The following ZFP90 variants were observed in gnomAD, a reference collection of about 807,000 sequenced individuals.
ZFP90 encodes zinc finger protein 90 homolog.
A neutral mutation model predicts 60.8 loss-of-function variants in ZFP90; 38 were observed. The ratio of observed to expected loss-of-function variants is 0.62; its 90% CI spans 0.48 to 0.82. ZFP90 has a LOEUF of 0.82. ZFP90 is among the 40% of genes least tolerant of loss of function. ZFP90 has a pLI of 0.00. For missense variants in ZFP90, 711 were observed against 759.1 expected (o/e 0.94, Z 0.74); for synonymous variants, 287 against 264.8 (o/e 1.08, Z -0.82).
chr16:68,541,477 T>A (rs528524622), intron 2 of ZFP90, among the ~76,000 whole-genome samples: 1 of 151,950 alleles, frequency 6.6e-6, no homozygotes, highest in Non-Finnish European at 1.5e-5. Flanking sequence ...TGTGCCACCA[T>A]GCCCAGCTAA....
upstream of ZFP90, among the ~76,000 whole-genome samples, chr16:68,538,837 G>C (rs977864006): frequency 6.6e-6 from 1 of 152,152 alleles, no homozygotes; most frequent in Non-Finnish European, 1.5e-5. Flanking sequence ...CCACGGATTT[G>C]TCCGAAGTTT....
chr16:68,547,938 C>T (rs1487413213), intron 2 of ZFP90, among the ~76,000 whole-genome samples: 1 of 151,662 alleles, frequency 6.6e-6, no homozygotes, highest in Non-Finnish European at 1.5e-5. Context: ...AGCGATTCTC[C>T]TGCCTCAGTC....
chr16:68,557,376 C>G (rs934285234), intron 2 of ZFP90: 1 of 429,726 alleles, frequency 2.3e-6, no homozygotes, highest in Admixed American at 2.4e-5. Context: ...ACCTGTGATA[C>G]AGGTGTACTG....
At chr16:68,550,457 G>T (rs1385783370) in intron 2 of ZFP90, among the ~76,000 whole-genome samples, 1 of 151,996 alleles carries the variant, frequency 6.6e-6, no homozygotes, top group Non-Finnish European at 1.5e-5. Flanking sequence ...CTCCATGTTG[G>T]CCAGGCTGGT....
upstream of ZFP90, among the ~76,000 whole-genome samples, chr16:68,537,228 C>A (rs747837307): frequency 1.3e-5 from 2 of 152,010 alleles, no homozygotes; most frequent in Non-Finnish European, 2.9e-5. Flanking sequence ...CAGGTTCAAG[C>A]GATTCCCCTG....
chr16:68,553,137 T>C (rs2091287454), intron 2 of ZFP90, among the ~76,000 whole-genome samples: 2 of 152,116 alleles, frequency 1.3e-5, no homozygotes, highest in Non-Finnish European at 2.9e-5. Context: ...GTAAAGAAAA[T>C]AAATAGTATT....
chr16:68,539,727 G>C (rs1198639354), intron 1 of ZFP90, 31 bp from the exon 2 acceptor site: 8 of 1,499,952 alleles, frequency 5.3e-6, no homozygotes, highest in Non-Finnish European at 7.2e-6. Context: ...GTGTTGCAGC[G>C]GGGTGAGTGG....
intron 2 of ZFP90, among the ~76,000 whole-genome samples, chr16:68,574,524 A>C (rs1371692360): frequency 6.6e-6 from 1 of 152,088 alleles, no homozygotes; most frequent in Non-Finnish European, 1.5e-5. Flanking sequence ...AGCACCAAAG[A>C]GCTAAGGAGA....
chr16:68,548,710 G>A (rs944480452), intron 2 of ZFP90, among the ~76,000 whole-genome samples: 10 of 151,962 alleles, frequency 6.6e-5, no homozygotes, highest in African/African-American at 1.9e-4. Flanking sequence ...GGCTGGTCTC[G>A]AACTCCCGAC....
chr16:68,564,638 CTT>C lies in ZFP90; in HGVS notation c.1852_1853del (p.Phe618GlnfsTer8). On this transcript the variant is annotated frameshift_variant, in exon 5 of 5. Transcript: ENST00000563169. LOFTEE classifies it high-confidence loss of function. ...ATTCTTGTAAGGAATGTGGGAAAAA[CTT>C]CAGCCGAAGTTCAGCTCTTACTAAA... ...PYSCKECGKN[F>X]SRSSALTKHQ... is the part of the protein sequence containing the mutation. The C allele has an allele frequency of 6.2e-7, 1 of 1,613,994 alleles. No homozygotes were observed. Among genetic ancestry groups the C allele is most frequent in the Non-Finnish European group, 8.5e-7 (1 of 1,179,960 alleles).
Position 68,565,732 on chromosome 16 carries a change from G to A in ZFP90, c.*1034G>A. ...TTCCCGTTAATTTTCTTGCAGAAAA[G>A]TTAAGTCTAATTGCCCATTGCCATA... On this transcript the variant is annotated 3_prime_UTR_variant, in exon 5 of 5. Transcript: ENST00000563169. 1 of 890,156 alleles carries A rather than the reference G, an allele frequency of 1.1e-6. No individual in the cohort carries two copies. Among genetic ancestry groups the A allele is most frequent in the Non-Finnish European group, 1.3e-6 (1 of 785,230 alleles). 55.1% of individuals were successfully genotyped at this position (890,156 alleles called of 1,614,324 possible).
intron 2 of ZFP90, among the ~76,000 whole-genome samples, chr16:68,549,320 C>CTGCCCAGG (rs2091212084): frequency 6.6e-6 from 1 of 152,176 alleles, no homozygotes; most frequent in Admixed American, 6.5e-5. Flanking sequence ...TTTAGAAAAG[C>CTGCCCAGG]TGCCCAGGTG....
Position 68,567,103 on chromosome 16 carries a change from T to A in ZFP90, c.*2405T>A. ...ATGCATCCTTGTAACATCATTGTAT[T>A]CTTTCAATAAATAGCCTTCTGAGTT... On this transcript the variant is annotated 3_prime_UTR_variant, in exon 5 of 5. Coordinates refer to ENST00000563169, the MANE Select transcript of ZFP90 (RefSeq NM_001305203.2). 1 of 985,596 alleles carries A rather than the reference T, an allele frequency of 1.0e-6. No individual in the cohort carries two copies. The highest frequency in any genetic ancestry group is 1.2e-6 in the Non-Finnish European group (1 of 829,936). 61.1% of individuals were successfully genotyped at this position (985,596 alleles called of 1,614,324 possible).
chr16:68,558,284 G>C, intron 3 of ZFP90, 160 bp downstream of exon 3: 1 of 1,246,716 alleles, frequency 8.0e-7, no homozygotes, highest in Non-Finnish European at 1.2e-6. Context: ...TTTTGAGCCT[G>C]CTCTTTAGGT....
intron 2 of ZFP90, among the ~76,000 whole-genome samples, chr16:68,542,004 A>G (rs749699648): frequency 6.6e-6 from 1 of 152,176 alleles, no homozygotes; most frequent in Non-Finnish European, 1.5e-5. Flanking sequence ...ATAACCAGGG[A>G]TGAAGGACAG....
chr16:68,536,345 C>T (rs549064798), upstream of ZFP90, among the ~76,000 whole-genome samples: 15 of 152,220 alleles, frequency 9.9e-5, no homozygotes, highest in Non-Finnish European at 1.3e-4. Context: ...TGCTCTGTCA[C>T]GCCAGCTGGA....
intron 4 of ZFP90, chr16:68,561,953 A>AT (rs1023225214): frequency 6.6e-6 from 1 of 152,188 alleles, no homozygotes; most frequent in African/African-American, 2.4e-5. Context: ...TACCACCAAG[A>AT]TTATCACATT....
intron 2 of ZFP90, among the ~76,000 whole-genome samples, chr16:68,573,148 G>T (rs1052609130): frequency 2.6e-5 from 4 of 152,228 alleles, no homozygotes; most frequent in Non-Finnish European, 5.9e-5. Context: ...CCCTGTACCT[G>T]GAGCTCCTGG....
In ZFP90 at chr16:68,565,578, C is replaced by T. The variant is rs967221155; in HGVS notation, c.*880C>T. The T allele has an allele frequency of 2.9e-5, 29 of 985,460 alleles. No individual in the cohort carries two copies. Among genetic ancestry groups the T allele is most frequent in the African/African-American group, 2.8e-4 (16 of 57,234 alleles). 61.0% of individuals were successfully genotyped at this position (985,460 alleles called of 1,614,324 possible). ...CAGTTACAATTATACTTTCAGCTAA[C>T]ATATGCCAGTTTCACAGAACTATTA... On this transcript the variant is annotated 3_prime_UTR_variant, in exon 5 of 5. Transcript: ENST00000563169.
Sources: gnomAD v4.1 joint callset for allele counts (sites outside exome capture counted in the v4.1 genomes callset) on GRCh38, gnomAD v4.1.1 for gene constraint, MANE v1.5 for transcripts, NCBI Gene and HGNC (gene_info 2026-07-23, HGNC 2026-07-21) for gene names.